The following MAMLD1 variants were observed in gnomAD, a reference collection of about 807,000 sequenced individuals.
MAMLD1 encodes mastermind-like domain-containing protein 1.
Under a neutral mutation model 45.0 loss-of-function variants are expected in MAMLD1, and 14 were observed. That is an observed-to-expected ratio of 0.31 (90% CI 0.21 to 0.49). The LOEUF (loss-of-function observed/expected upper bound fraction) is 0.49. MAMLD1 is among the 20% of genes least tolerant of loss of function. The pLI, the probability that MAMLD1 is intolerant of heterozygous loss-of-function variation, is 0.99. For missense variants in MAMLD1, 543 were observed against 603.6 expected, an observed-to-expected ratio of 0.90 and a Z score of 1.05; for synonymous variants, 254 against 247.8, an observed-to-expected ratio of 1.02 and a Z score of -0.24.
At chrX:150,407,974 G>A (rs2034037312) in intron 1 of MAMLD1, among the ~76,000 whole-genome samples, 1 of 111,698 alleles carries the variant, frequency 9.0e-6, no homozygotes, top group Non-Finnish European at 1.9e-5. Context: ...TGATCCCAGA[G>A]TGGAGAGCAT....
At chrX:150,393,939 A>G (rs1440488534) in intron 1 of MAMLD1, among the ~76,000 whole-genome samples, 1 of 110,432 alleles carries the variant, frequency 9.1e-6, no homozygotes, top group African/African-American at 3.3e-5. Flanking sequence ...AATGAAGTCC[A>G]GGTTATTAAT....
rs200968034 is a variant in MAMLD1 at position 150,368,407 on chromosome X, G to T, written c.-64+4877G>T. ...CCTTCGCCCAATTTTTGATGGGGTT[G>T]TTTTTTTTTTTTCTTGTAAATTTGT... On this transcript the variant is annotated intron_variant, in intron 1 of 7. Transcript: ENST00000370401. 5.6e-4 allele frequency among the ~76,000 whole-genome samples: 57 copies of T among 102,032 alleles called. No individual in the cohort carries two copies. The East Asian group carries it at 0.011, about 19-fold the overall frequency. 88.6% of individuals were successfully genotyped at this position (102,032 alleles called of 115,157 possible). A position where few individuals can be genotyped will look rare whatever the true frequency, so the allele number is the denominator to read the frequency against.
In MAMLD1 at chrX:150,509,998, C is replaced by G. The variant is rs782295596; in HGVS notation, c.2321C>G (p.Pro774Arg). The G allele has an allele frequency of 9.9e-6, 12 of 1,206,836 alleles. No individual in the cohort carries two copies. In the South Asian group the frequency reaches 1.9e-4, roughly 19 times the overall value. Reference sequence around the variant, plus strand: ...GAGATCAGGTCTTATGGCAATGACCCCTGAACGGCAGAATGCATATATCTC... The same window carrying G: ...GAGATCAGGTCTTATGGCAATGACCGCTGAACGGCAGAATGCATATATCTC... ...GTEIRSYGND[P>R] is the part of the protein sequence containing the mutation. The change falls in exon 7 of 8, where the codon CCC becomes CGC. Residue 774 changes from proline to arginine, a missense_variant. Coordinates refer to ENST00000370401, the MANE Select transcript of MAMLD1 (RefSeq NM_005491.5).
intron 1 of MAMLD1, among the ~76,000 whole-genome samples, chrX:150,402,570 G>T (rs1282494871): frequency 1.8e-5 from 2 of 111,938 alleles, no homozygotes; most frequent in Non-Finnish European, 3.8e-5. Context: ...TCCCATTACT[G>T]GGTATATACC....
intron 1 of MAMLD1, among the ~76,000 whole-genome samples, chrX:150,370,630 T>C (rs1238591787): frequency 9.0e-6 from 1 of 111,179 alleles, no homozygotes; most frequent in Non-Finnish European, 1.9e-5. Flanking sequence ...CCCAAGAGCA[T>C]TTTCTTCCAG....
intron 1 of MAMLD1, among the ~76,000 whole-genome samples, chrX:150,426,533 G>A (rs2034709770): frequency 8.9e-6 from 1 of 112,299 alleles, no homozygotes; most frequent in South Asian, 3.7e-4. Context: ...GTCTACAGAA[G>A]TTTATAAGCA....
chrX:150,503,934 C>A, intron 6 of MAMLD1: 1 of 369,823 alleles, frequency 2.7e-6, no homozygotes, highest in Non-Finnish European at 3.5e-6. Context: ...CGAAGCCCTG[C>A]ACCTGATACC....
chrX:150,453,965 C>G (rs1438774636), intron 2 of MAMLD1, among the ~76,000 whole-genome samples: 10 of 112,573 alleles, frequency 8.9e-5, no homozygotes, highest in Non-Finnish European at 1.5e-4. Flanking sequence ...GTTTGTCCTA[C>G]TAGAATTCCA....
chrX:150,491,929 A>T (rs2266837), intron 5 of MAMLD1, among the ~76,000 whole-genome samples: 26,193 of 111,401 alleles, frequency 0.24, 2,309 homozygotes, highest in Admixed American at 0.32. Flanking sequence ...CAGGTGTGCA[A>T]CACAGGGGTC....
rs953077832 is a variant in MAMLD1 at position 150,468,427 on chromosome X, G to T, written c.172-1318G>T. Among the ~76,000 whole-genome samples, 6 of 111,281 alleles carry T rather than the reference G, an allele frequency of 5.4e-5. No homozygotes were observed. In the Admixed American group the frequency reaches 5.7e-4, roughly 11 times the overall value. ...TCCAAAGCTGGAAAGGGGTTATTTGGGGGGTACCGGGTGGGGGAAGCTTTA... is the reference window on the plus strand; with the variant it reads ...TCCAAAGCTGGAAAGGGGTTATTTGTGGGGTACCGGGTGGGGGAAGCTTTA... On this transcript the variant is annotated intron_variant, in intron 3 of 7. Coordinates refer to ENST00000370401, the MANE Select transcript of MAMLD1 (RefSeq NM_005491.5).
intron 2 of MAMLD1, among the ~76,000 whole-genome samples, chrX:150,456,757 A>G (rs1037650997): frequency 2.7e-5 from 3 of 112,357 alleles, no homozygotes; most frequent in Non-Finnish European, 5.6e-5. Flanking sequence ...AAATGGCTCT[A>G]GAGGGATTTC....
At chrX:150,410,733 A>G (rs1432129233) in intron 1 of MAMLD1, among the ~76,000 whole-genome samples, 1 of 112,297 alleles carries the variant, frequency 8.9e-6, no homozygotes, top group Non-Finnish European at 1.9e-5. Flanking sequence ...CAGATGAGGA[A>G]ATAGATAAAC....
chrX:150,391,710 G>T (rs913119454), intron 1 of MAMLD1, among the ~76,000 whole-genome samples: 2 of 111,715 alleles, frequency 1.8e-5, no homozygotes, highest in Non-Finnish European at 3.8e-5. Flanking sequence ...GTTGACATCT[G>T]TTGATCATCT....
intron 5 of MAMLD1, among the ~76,000 whole-genome samples, chrX:150,479,955 G>A (rs782803631): frequency 3.2e-4 from 36 of 111,467 alleles, no homozygotes; most frequent in African/African-American, 1.2e-3. Flanking sequence ...GCGCCAAGGG[G>A]AATCAAAGAC....
rs1218482549 is a variant in MAMLD1, at chrX:150,382,894, T to A, written c.-64+19364T>A. On this transcript the variant is annotated intron_variant, in intron 1 of 7. Transcript: ENST00000370401. ...TGTCCCATTTTATTTTATTTTTTTT[T>A]TTTTTTATTTTTTATTTTTTTTTTT... is the stretch of plus-strand genomic sequence containing the variant. Among the ~76,000 whole-genome samples the A allele has an allele frequency of 9.2e-3, 182 of 19,678 alleles. 39 individuals carry two copies. Among genetic ancestry groups the A allele is most frequent in the South Asian group, 0.071 (73 of 1,024 alleles). The allele number at this position is 19,678 out of a possible 115,157, so 17.1% of individuals were successfully genotyped here.
At chrX:150,423,348 C>CTGTGTGTG (rs1246327427) in intron 1 of MAMLD1, among the ~76,000 whole-genome samples, 539 of 7,830 alleles carry the variant, frequency 0.069, 9 homozygotes, top group Middle Eastern at 0.2. Context: ...ACATTATACT[C>CTGTGTGTG]TGTGTGTGTG....
chrX:150,458,956 T>C (rs1557405481), intron 2 of MAMLD1, among the ~76,000 whole-genome samples: 1 of 112,439 alleles, frequency 8.9e-6, no homozygotes, highest in African/African-American at 3.2e-5. Flanking sequence ...TGGCTATATT[T>C]AATAATGCTG....
At chrX:150,482,189 G>C (rs1232076765) in intron 5 of MAMLD1, among the ~76,000 whole-genome samples, 2 of 112,313 alleles carry the variant, frequency 1.8e-5, no homozygotes, top group African/African-American at 3.2e-5. Flanking sequence ...TAAAAAGGAA[G>C]GAAATTCTGA....
chrX:150,389,025 G>C (rs921451053), intron 1 of MAMLD1, among the ~76,000 whole-genome samples: 21 of 110,596 alleles, frequency 1.9e-4, no homozygotes, highest in African/African-American at 5.9e-4. Context: ...CTTTATAACT[G>C]CTGTTTTCAT....
Sources: gnomAD v4.1 joint callset for allele counts (sites outside exome capture counted in the v4.1 genomes callset) on GRCh38, gnomAD v4.1.1 for gene constraint, MANE v1.5 for transcripts, NCBI Gene and HGNC (gene_info 2026-07-23, HGNC 2026-07-21) for gene names.